RBFOX1: variants seen among roughly 807,000 people sequenced by gnomAD.
RBFOX1 encodes the protein RNA binding protein fox-1 homolog 1.
Under a neutral mutation model 57.7 loss-of-function variants are expected in RBFOX1, and 8 were observed. The ratio of observed to expected loss-of-function variants is 0.14; its 90% CI spans 0.08 to 0.25. The LOEUF (loss-of-function observed/expected upper bound fraction) is 0.25. RBFOX1 is among the 10% of genes least tolerant of loss of function. The pLI is 1.00. For missense variants in RBFOX1, 611 were observed against 548.5 expected, an observed-to-expected ratio of 1.11 and a Z score of -1.14; for synonymous variants, 326 against 222.4, an observed-to-expected ratio of 1.47 and a Z score of -4.15.
intron 3 of RBFOX1, among the ~76,000 whole-genome samples, chr16:7,037,273 C>G (rs7205872): frequency 3.8e-5 from 3 of 79,214 alleles, no homozygotes; most frequent in Non-Finnish European, 2.3e-5. Context: ...GAGTTTTGCT[C>G]TTGTTGCCCA....
chr16:6,999,199 ATT>A (rs144209801), intron 3 of RBFOX1, among the ~76,000 whole-genome samples: 23,477 of 99,906 alleles, frequency 0.23, 2,731 homozygotes, highest in Middle Eastern at 0.34. Flanking sequence ...ATTTTATTTT[ATT>A]TTTTATTTTT....
At chr16:6,818,158 C>T (rs1603628500) in intron 3 of RBFOX1, among the ~76,000 whole-genome samples, 1 of 152,110 alleles carries the variant, frequency 6.6e-6, no homozygotes, top group African/African-American at 2.4e-5. Context: ...GGTAGAGTAC[C>T]AGGCATATGG....
chr16:7,254,717 GTTATTAT>G (rs2094609803), intron 4 of RBFOX1, among the ~76,000 whole-genome samples: 2 of 152,068 alleles, frequency 1.3e-5, no homozygotes, highest in South Asian at 2.1e-4. Flanking sequence ...TTTTGCAATT[GTTATTAT>G]CCTAAAACTA....
chr16:6,974,464 C>T (rs548374820), intron 3 of RBFOX1, among the ~76,000 whole-genome samples: 1 of 150,634 alleles, frequency 6.6e-6, no homozygotes, highest in East Asian at 2.0e-4. Context: ...CCTGCCTCAG[C>T]CTCCCAAGTA....
At position 7,043,710 on chromosome 16, in the gene RBFOX1, A is replaced by G. The variant is rs1258790232; in HGVS notation, c.-15-8347A>G. Among the ~76,000 whole-genome samples the G allele has an allele frequency of 2.6e-5, 4 of 152,166 alleles. No homozygotes were observed. In the East Asian group the frequency reaches 5.8e-4, roughly 22 times the overall value. On this transcript the variant is annotated intron_variant, in intron 3 of 15. Coordinates refer to ENST00000550418, the MANE Select transcript of RBFOX1 (RefSeq NM_018723.4). ...TGTGGACATGAAAACATGAACATCTATTTATCCATTCATTTATTGTGTGTC... is the reference window on the plus strand; with the variant it reads ...TGTGGACATGAAAACATGAACATCTGTTTATCCATTCATTTATTGTGTGTC...
chr16:5,578,636 G>T (rs949825259), intron 2 of RBFOX1, among the ~76,000 whole-genome samples: 3 of 152,086 alleles, frequency 2.0e-5, no homozygotes, highest in Admixed American at 2.0e-4. Flanking sequence ...TATTAATTTA[G>T]CGCCAACAGC....
intron 3 of RBFOX1, among the ~76,000 whole-genome samples, chr16:6,939,759 GC>G (rs1343576572): frequency 6.6e-6 from 1 of 152,060 alleles, no homozygotes; most frequent in Non-Finnish European, 1.5e-5. Context: ...TGATCAGCCT[GC>G]CTTGGCCTAC....
intron 1 of RBFOX1, among the ~76,000 whole-genome samples, chr16:5,441,264 T>C (rs921729449): frequency 2.0e-5 from 3 of 152,112 alleles, no homozygotes; most frequent in South Asian, 4.1e-4. Flanking sequence ...TTTTCTACAA[T>C]GGGCCTGGCT....
chr16:7,159,290 G>T (rs2077788807), intron 4 of RBFOX1, among the ~76,000 whole-genome samples: 1 of 152,096 alleles, frequency 6.6e-6, no homozygotes, highest in South Asian at 2.1e-4. Context: ...AGCAGGAGAG[G>T]GTGCCATTGT....
At chr16:5,410,385 G>A (rs1295967888) in intron 1 of RBFOX1, among the ~76,000 whole-genome samples, 3 of 146,936 alleles carry the variant, frequency 2.0e-5, no homozygotes. Flanking sequence ...AAAAAAAAAA[G>A]AATAAAAAAT....
intron 4 of RBFOX1, among the ~76,000 whole-genome samples, chr16:7,373,781 C>G (rs957657783): frequency 3.9e-5 from 6 of 152,200 alleles, no homozygotes; most frequent in African/African-American, 1.2e-4. Context: ...AGGCCCCACA[C>G]TTTGGGGTCT....
At chr16:5,923,284 C>G (rs1053989363) in intron 4 of RBFOX1, among the ~76,000 whole-genome samples, 1 of 152,126 alleles carries the variant, frequency 6.6e-6, no homozygotes, top group Non-Finnish European at 1.5e-5. Flanking sequence ...AAGAAGAATG[C>G]TATGGCTGTG....
At chr16:5,987,429 T>TG (rs1268629514) in intron 4 of RBFOX1, among the ~76,000 whole-genome samples, 3 of 152,240 alleles carry the variant, frequency 2.0e-5, no homozygotes, top group African/African-American at 7.2e-5. Flanking sequence ...GATCATGTTT[T>TG]GGCCTGAAAG....
At chr16:7,106,427 TAAAC>T (rs961197627) in intron 4 of RBFOX1, among the ~76,000 whole-genome samples, 38 of 152,130 alleles carry the variant, frequency 2.5e-4, no homozygotes, top group African/African-American at 8.4e-4. Flanking sequence ...TTTCTTGTGT[TAAAC>T]AGAGAAAGAA....
At chr16:5,450,003 C>T (rs1209410190) in intron 1 of RBFOX1, among the ~76,000 whole-genome samples, 1 of 152,158 alleles carries the variant, frequency 6.6e-6, no homozygotes, top group Admixed American at 6.5e-5. Flanking sequence ...ATAATAGCAC[C>T]TATCATTTGC....
intron 1 of RBFOX1, among the ~76,000 whole-genome samples, chr16:5,448,580 A>G (rs950812318): frequency 2.6e-5 from 4 of 152,164 alleles, no homozygotes; most frequent in African/African-American, 9.7e-5. Context: ...TGAAGACCCC[A>G]TGGAACTGCA....
chr16:7,535,478 G>T (rs1335725358), intron 5 of RBFOX1, among the ~76,000 whole-genome samples: 1 of 152,202 alleles, frequency 6.6e-6, no homozygotes, highest in Non-Finnish European at 1.5e-5. Flanking sequence ...AATAAACTGG[G>T]CTAGATGGTG....
chr16:5,876,397 G>A (rs1389238227), intron 4 of RBFOX1, among the ~76,000 whole-genome samples: 1 of 152,116 alleles, frequency 6.6e-6, no homozygotes, highest in Non-Finnish European at 1.5e-5. Context: ...AAATGTAATA[G>A]GAGGGAAGTT....
intron 10 of RBFOX1, among the ~76,000 whole-genome samples, chr16:7,612,904 G>C (rs1413898594): frequency 6.6e-6 from 1 of 152,084 alleles, no homozygotes; most frequent in Non-Finnish European, 1.5e-5. Context: ...AGGCAGCAAA[G>C]CTTAACAAGA....
Sources: gnomAD v4.1 joint callset for allele counts (sites outside exome capture counted in the v4.1 genomes callset) on GRCh38, gnomAD v4.1.1 for gene constraint, MANE v1.5 for transcripts, NCBI Gene and HGNC (gene_info 2026-07-23, HGNC 2026-07-21) for gene names.